Variants in GRIA1 observed in about 807,000 individuals in gnomAD.
The protein encoded by GRIA1 is glutamate ionotropic receptor AMPA type subunit 1, also known as glutamate receptor 1.
Under a neutral mutation model 99.2 loss-of-function variants are expected in GRIA1, and 31 were observed. The observed-to-expected ratio is 0.31, with a 90% CI of 0.23 to 0.42. The LOEUF is 0.42. Ranked by LOEUF, GRIA1 falls within the 10% of genes least tolerant of loss-of-function variation. The pLI is 1.00. For missense variants in GRIA1, 782 were observed against 1,157.5 expected (o/e 0.68, Z 4.71); for synonymous variants, 438 against 432.4 (o/e 1.01, Z -0.16).
intron 10 of GRIA1, 137 bp downstream of exon 10, chr5:153,699,210 G>A: frequency 1.5e-6 from 1 of 678,064 alleles, no homozygotes; most frequent in East Asian, 2.7e-5. Flanking sequence ...GAACAGATGA[G>A]TCATCCAAAA....
intron 2 of GRIA1, among the ~76,000 whole-genome samples, chr5:153,619,253 T>A (rs546329751): frequency 2.6e-5 from 4 of 152,232 alleles, no homozygotes; most frequent in African/African-American, 7.2e-5. Flanking sequence ...TGAGTTATTA[T>A]ACAAAATGGA....
intron 2 of GRIA1, among the ~76,000 whole-genome samples, chr5:153,549,768 A>C (rs1346352023): frequency 6.6e-6 from 1 of 152,058 alleles, no homozygotes; most frequent in Non-Finnish European, 1.5e-5. Context: ...TCTTTTTTCT[A>C]CTGTTATGAT....
intron 2 of GRIA1, among the ~76,000 whole-genome samples, chr5:153,507,988 T>C (rs1013967870): frequency 7.9e-5 from 12 of 152,224 alleles, no homozygotes; most frequent in African/African-American, 2.9e-4. Flanking sequence ...ACCCACTCTC[T>C]ACTAAACCCT....
intron 8 of GRIA1, among the ~76,000 whole-genome samples, chr5:153,695,844 G>A (rs1277308621): frequency 2.0e-5 from 3 of 152,182 alleles, no homozygotes; most frequent in Non-Finnish European, 2.9e-5. Flanking sequence ...CATCGATAGG[G>A]TGCACCATGT....
chr5:153,765,415 T>C (rs1763454423), intron 12 of GRIA1, among the ~76,000 whole-genome samples: 1 of 152,196 alleles, frequency 6.6e-6, no homozygotes, highest in Non-Finnish European at 1.5e-5. Context: ...AGGTTCCATA[T>C]ACCATTAGGA....
Position 153,635,378 on chromosome 5 carries a change from A to T in GRIA1, c.221-11550A>T, listed in dbSNP as rs558606088. 5.3e-4 allele frequency among the ~76,000 whole-genome samples: 81 copies of T among 152,282 alleles called. No homozygotes were observed. The South Asian group carries it at 0.016, about 30-fold the overall frequency. On this transcript the variant is annotated intron_variant, in intron 2 of 15. Coordinates refer to ENST00000285900, the MANE Select transcript of GRIA1 (RefSeq NM_000827.4). ...GCCAGGAGGGGAAGCTGTAAAGCTA[A>T]TCTCTCCCACAACCCACTTCTCTTT...
intron 2 of GRIA1, among the ~76,000 whole-genome samples, chr5:153,509,617 C>T (rs1182604637): frequency 6.6e-6 from 1 of 152,156 alleles, no homozygotes; most frequent in African/African-American, 2.4e-5. Flanking sequence ...CAGGGCAATA[C>T]AATGGTTAAG....
rs372671407 is a variant in GRIA1 at position 153,731,226 on chromosome 5, T to TTC, written c.1823+25176_1823+25177dup. Reference sequence around the variant, plus strand: ...TCTCTCTCTTTCTCTCTGTCTCTCTTTCTCTCTCTCTCTCTCTCCATCTTC... The same window carrying TTC: ...TCTCTCTCTTTCTCTCTGTCTCTCTTTCTCTCTCTCTCTCTCTCTCCATCTTC... On this transcript the variant is annotated intron_variant, in intron 11 of 15. Transcript: ENST00000285900. Among the ~76,000 whole-genome samples, 80 of 149,510 alleles carry TTC rather than the reference T, an allele frequency of 5.4e-4. No individual in the cohort carries two copies. The East Asian group carries it at 7.1e-3, about 13-fold the overall frequency.
chr5:153,532,685 T>C (rs1048961402), intron 2 of GRIA1, among the ~76,000 whole-genome samples: 1 of 152,158 alleles, frequency 6.6e-6, no homozygotes, highest in Admixed American at 6.5e-5. Flanking sequence ...CCCTAGCCCC[T>C]GTGGGCATCT....
chr5:153,698,495 G>A (rs1026467755), intron 9 of GRIA1, among the ~76,000 whole-genome samples: 3 of 152,160 alleles, frequency 2.0e-5, no homozygotes, highest in African/African-American at 7.2e-5. Flanking sequence ...AATACATAAA[G>A]TAGCTGTAAG....
intron 11 of GRIA1, among the ~76,000 whole-genome samples, chr5:153,722,884 G>A (rs1760181271): frequency 6.6e-6 from 1 of 152,118 alleles, no homozygotes; most frequent in East Asian, 1.9e-4. Context: ...CTTTTCTCAA[G>A]GGTCTGGAAG....
intron 15 of GRIA1, among the ~76,000 whole-genome samples, chr5:153,804,432 G>A (rs750953616): frequency 1.3e-5 from 2 of 152,162 alleles, no homozygotes; most frequent in Admixed American, 6.5e-5. Context: ...ATGAGGAAAG[G>A]TTACTCCGGT....
chr5:153,534,809 G>A (rs1335481069), intron 2 of GRIA1, among the ~76,000 whole-genome samples: 1 of 152,144 alleles, frequency 6.6e-6, no homozygotes, highest in African/African-American at 2.4e-5. Context: ...TAAATGTCTG[G>A]CCCCTGTGGG....
chr5:153,665,151 G>A (rs1446035570), intron 5 of GRIA1, among the ~76,000 whole-genome samples: 1 of 152,210 alleles, frequency 6.6e-6, no homozygotes, highest in Non-Finnish European at 1.5e-5. Flanking sequence ...CACCCATGCA[G>A]CCTTGCACTC....
intron 8 of GRIA1, among the ~76,000 whole-genome samples, chr5:153,695,310 T>A (rs1218386247): frequency 6.6e-6 from 1 of 152,176 alleles, no homozygotes; most frequent in Admixed American, 6.6e-5. Context: ...TACATCATAA[T>A]ATACTACCAG....
intron 11 of GRIA1, among the ~76,000 whole-genome samples, chr5:153,756,675 G>A (rs150048799): frequency 6.6e-6 from 1 of 152,182 alleles, no homozygotes; most frequent in South Asian, 2.1e-4. Context: ...AACCAAGCTG[G>A]AGTACCATCC....
chr5:153,501,734 G>A (rs1755030141), intron 2 of GRIA1, among the ~76,000 whole-genome samples: 1 of 152,190 alleles, frequency 6.6e-6, no homozygotes, highest in Admixed American at 6.5e-5. Context: ...GGAGGATGGG[G>A]ACAGAGGCCA....
At chr5:153,750,914 T>C (rs1158528359) in intron 11 of GRIA1, among the ~76,000 whole-genome samples, 2 of 151,770 alleles carry the variant, frequency 1.3e-5, no homozygotes, top group Non-Finnish European at 1.5e-5. Context: ...TGGCCAAAGA[T>C]GATGAAACCC....
At chr5:153,572,313 G>C (rs1392607578) in intron 2 of GRIA1, among the ~76,000 whole-genome samples, 2 of 152,152 alleles carry the variant, frequency 1.3e-5, no homozygotes, top group Non-Finnish European at 2.9e-5. Flanking sequence ...ATTAGGACCT[G>C]CTCATATGAG....
Sources: gnomAD v4.1 joint callset for allele counts (sites outside exome capture counted in the v4.1 genomes callset) on GRCh38, gnomAD v4.1.1 for gene constraint, MANE v1.5 for transcripts, NCBI Gene and HGNC (gene_info 2026-07-23, HGNC 2026-07-21) for gene names.